Variants in SLC25A21 observed in about 807,000 individuals in gnomAD.
SLC25A21 encodes the protein mitochondrial 2-oxodicarboxylate carrier.
SLC25A21 carries 47 observed loss-of-function variants against 43.8 expected under a neutral mutation model. The ratio of observed to expected loss-of-function variants is 1.07; its 90% CI spans 0.85 to 1.37. SLC25A21 has a LOEUF of 1.37. Ranked by LOEUF, SLC25A21 falls within the 40% of genes most tolerant of loss-of-function variation. The probability of loss-of-function intolerance (pLI) is 0.00; values close to 1 mark genes in which losing one functional copy is unlikely to be tolerated. For missense variants in SLC25A21, 352 were observed against 350.2 expected (o/e 1.00, Z -0.04); for synonymous variants, 131 against 121.3 (o/e 1.08, Z -0.52).
chr14:37,159,515 G>C (rs1458375059), intron 1 of SLC25A21, among the ~76,000 whole-genome samples: 1 of 151,940 alleles, frequency 6.6e-6, no homozygotes, highest in Non-Finnish European at 1.5e-5. Context: ...TAGGAAAATT[G>C]GATAACCACA....
intron 1 of SLC25A21, among the ~76,000 whole-genome samples, chr14:36,923,707 C>T (rs953428424): frequency 6.6e-6 from 1 of 152,074 alleles, no homozygotes; most frequent in African/African-American, 2.4e-5. Flanking sequence ...CATGGGTTCG[C>T]ATCCTCAGAT....
Position 36,680,150 on chromosome 14 carries a change from A to G in SLC25A21, c.*508T>C. 1.2e-6 allele frequency: 1 copy of G among 851,826 alleles called. No individual in the cohort carries two copies. Among genetic ancestry groups the G allele is most frequent in the Non-Finnish European group, 1.4e-6 (1 of 708,986 alleles). The allele number at this position is 851,826 out of a possible 1,614,324, so 52.8% of individuals were successfully genotyped here. ...TTAAAAGGTCATTTTAGTGCACTTT[A>G]AAAAATTTTTCTTGTGCTCTTTAAA... On this transcript the variant is annotated 3_prime_UTR_variant, in exon 10 of 10. Coordinates refer to ENST00000331299, the MANE Select transcript of SLC25A21 (RefSeq NM_030631.4).
chr14:36,847,168 C>G (rs1889572404), intron 2 of SLC25A21, among the ~76,000 whole-genome samples: 1 of 152,196 alleles, frequency 6.6e-6, no homozygotes, highest in Admixed American at 6.5e-5. Context: ...TGAAACATAT[C>G]TGTCCCCAAG....
At chr14:37,068,944 G>A (rs1431648942) in intron 1 of SLC25A21, among the ~76,000 whole-genome samples, 1 of 152,152 alleles carries the variant, frequency 6.6e-6, no homozygotes, top group Non-Finnish European at 1.5e-5. Flanking sequence ...GGAGGTCGAG[G>A]CGGGCAGATA....
At chr14:36,827,003 G>A (rs1362961035) in intron 2 of SLC25A21, among the ~76,000 whole-genome samples, 1 of 152,204 alleles carries the variant, frequency 6.6e-6, no homozygotes, top group Non-Finnish European at 1.5e-5. Context: ...GGACGAGGAC[G>A]AGGACAGTGA....
chr14:36,913,559 A>C (rs1891747816), intron 1 of SLC25A21, among the ~76,000 whole-genome samples: 1 of 152,210 alleles, frequency 6.6e-6, no homozygotes, highest in South Asian at 2.1e-4. Flanking sequence ...TACAGGTGTG[A>C]GCCACCACAC....
intron 3 of SLC25A21, among the ~76,000 whole-genome samples, chr14:36,748,714 T>A (rs1157898716): frequency 6.6e-6 from 1 of 152,186 alleles, no homozygotes; most frequent in Non-Finnish European, 1.5e-5. Context: ...GGTGATTTCA[T>A]CGGGTCCTAT....
At chr14:36,789,187 G>A (rs1343323402) in intron 3 of SLC25A21, among the ~76,000 whole-genome samples, 1 of 152,072 alleles carries the variant, frequency 6.6e-6, no homozygotes. Flanking sequence ...TGAATTATTT[G>A]GAGTTAATAC....
intron 1 of SLC25A21, among the ~76,000 whole-genome samples, chr14:37,056,208 C>T (rs1210391832): frequency 1.3e-5 from 2 of 152,086 alleles, no homozygotes; most frequent in East Asian, 1.9e-4. Context: ...TACCTAGTCT[C>T]GGCCGGGCGC....
intron 1 of SLC25A21, among the ~76,000 whole-genome samples, chr14:37,106,517 C>G (rs546432545): frequency 6.6e-6 from 1 of 151,942 alleles, no homozygotes; most frequent in African/African-American, 2.4e-5. Flanking sequence ...AAGGTCAGAC[C>G]GGTTCTCTGA....
At chr14:37,134,814 C>G (rs1349578053) in intron 1 of SLC25A21, among the ~76,000 whole-genome samples, 1 of 151,990 alleles carries the variant, frequency 6.6e-6, no homozygotes, top group African/African-American at 2.4e-5. Flanking sequence ...ATGTCTTGGC[C>G]AAGTGTGGTG....
At chr14:36,886,818 T>A (rs1034476890) in intron 1 of SLC25A21, among the ~76,000 whole-genome samples, 1 of 152,210 alleles carries the variant, frequency 6.6e-6, no homozygotes, top group African/African-American at 2.4e-5. Flanking sequence ...TTTAACTCAA[T>A]AGAAGTTATT....
intron 3 of SLC25A21, among the ~76,000 whole-genome samples, chr14:36,794,981 C>T (rs964458114): frequency 3.9e-5 from 6 of 151,922 alleles, no homozygotes; most frequent in African/African-American, 1.5e-4. Flanking sequence ...TATGCTTTTA[C>T]GACTTGGTGG....
At chr14:36,764,592 A>G (rs527307698) in intron 3 of SLC25A21, among the ~76,000 whole-genome samples, 10 of 145,508 alleles carry the variant, frequency 6.9e-5, no homozygotes, top group African/African-American at 2.5e-4. Flanking sequence ...AACAAAAAAA[A>G]CCATGCATGC....
chr14:37,082,928 G>T (rs1962416431), intron 1 of SLC25A21, among the ~76,000 whole-genome samples: 1 of 152,164 alleles, frequency 6.6e-6, no homozygotes, highest in African/African-American at 2.4e-5. Flanking sequence ...AATTTTTGCA[G>T]TAGATATTTC....
At chr14:37,053,243 C>T (rs1174181818) in intron 1 of SLC25A21, among the ~76,000 whole-genome samples, 1 of 152,040 alleles carries the variant, frequency 6.6e-6, no homozygotes, top group East Asian at 1.9e-4. Context: ...TTGTATAGAG[C>T]CTAACAGACT....
intron 1 of SLC25A21, among the ~76,000 whole-genome samples, chr14:36,887,900 T>G (rs558662566): frequency 6.6e-6 from 1 of 152,230 alleles, no homozygotes; most frequent in African/African-American, 2.4e-5. Context: ...GACACAAGAG[T>G]CAGGAACAGA....
chr14:36,794,701 A>G lies in SLC25A21; in HGVS notation c.203+19217T>C, dbSNP rs532807233. ...GGAGAATCGCTTGAATCTGGGAGGC[A>G]GAGGTTGCAGTGAGCTGAGATCACA... On this transcript the variant is annotated intron_variant, in intron 3 of 9. Coordinates refer to ENST00000331299, the MANE Select transcript of SLC25A21 (RefSeq NM_030631.4). 2.0e-5 allele frequency among the ~76,000 whole-genome samples: 3 copies of G among 151,922 alleles called. No individual in the cohort carries two copies. In the East Asian group the frequency reaches 5.8e-4, roughly 30 times the overall value.
At chr14:36,862,698 T>C (rs931709168) in intron 2 of SLC25A21, among the ~76,000 whole-genome samples, 4 of 152,130 alleles carry the variant, frequency 2.6e-5, no homozygotes, top group African/African-American at 9.7e-5. Flanking sequence ...CCATGGCATG[T>C]GTATACCTAT....
Sources: allele counts gnomAD v4.1 joint callset (sites outside exome capture counted in the v4.1 genomes callset), GRCh38; gene constraint gnomAD v4.1.1; transcripts MANE v1.5; gene names NCBI Gene and HGNC (gene_info 2026-07-23, HGNC 2026-07-21).